The following GPR39 variants were observed in gnomAD, a reference collection of about 807,000 sequenced individuals.
GPR39 encodes G protein-coupled receptor 39, also known as zinc sensing receptor.
A neutral mutation model predicts 18.4 loss-of-function variants in GPR39; 23 were observed. The ratio of observed to expected loss-of-function variants is 1.25; its 90% confidence interval spans 0.90 to 1.77. The LOEUF (loss-of-function observed/expected upper bound fraction) is 1.77, where lower values mean the gene tolerates loss of function less well. GPR39 is among the 40% of genes most tolerant of loss of function. GPR39 has a pLI of 0.00. For synonymous variants in GPR39, 280 were observed against 257.9 expected, an observed-to-expected ratio of 1.09 and a Z score of -0.82; for missense variants, 647 against 602.4, an observed-to-expected ratio of 1.07 and a Z score of -0.78.
At chr2:132,533,872 C>T (rs1052407562) in intron 1 of GPR39, among the ~76,000 whole-genome samples, 32 of 152,194 alleles carry the variant, frequency 2.1e-4, no homozygotes, top group African/African-American at 6.7e-4. Context: ...CATGTTAGAC[C>T]TAAAACCATA....
intron 1 of GPR39, among the ~76,000 whole-genome samples, chr2:132,506,937 T>C (rs1296688184): frequency 6.6e-6 from 1 of 152,160 alleles, no homozygotes; most frequent in Non-Finnish European, 1.5e-5. Flanking sequence ...AGATAACCAC[T>C]TGATAGTTTC....
chr2:132,637,687 G>A (rs956894555), intron 1 of GPR39, among the ~76,000 whole-genome samples: 2 of 152,234 alleles, frequency 1.3e-5, no homozygotes, highest in Non-Finnish European at 2.9e-5. Context: ...GTCCTAGCTT[G>A]GACTTAGACC....
intron 1 of GPR39, among the ~76,000 whole-genome samples, chr2:132,520,186 T>C (rs529661972): frequency 2.0e-5 from 3 of 152,308 alleles, no homozygotes; most frequent in African/African-American, 7.2e-5. Flanking sequence ...TTACTTTCTT[T>C]ATAAGTCATA....
intron 1 of GPR39, among the ~76,000 whole-genome samples, chr2:132,597,775 G>T (rs763445643): frequency 6.6e-6 from 1 of 152,220 alleles, no homozygotes; most frequent in Non-Finnish European, 1.5e-5. Context: ...ATATGAAAAT[G>T]ATGATGAAAA....
intron 1 of GPR39, among the ~76,000 whole-genome samples, chr2:132,491,068 T>G (rs865799555): frequency 6.6e-6 from 1 of 152,010 alleles, no homozygotes; most frequent in Non-Finnish European, 1.5e-5. Flanking sequence ...AATTAATCTC[T>G]TTTTTTTCTC....
At chr2:132,524,351 C>T (rs536630810) in intron 1 of GPR39, among the ~76,000 whole-genome samples, 1 of 152,248 alleles carries the variant, frequency 6.6e-6, no homozygotes, top group African/African-American at 2.4e-5. Context: ...CATTAGATTC[C>T]TCATCCATAA....
intron 1 of GPR39, among the ~76,000 whole-genome samples, chr2:132,608,429 C>A (rs889864953): frequency 1.3e-5 from 2 of 152,278 alleles, no homozygotes; most frequent in Non-Finnish European, 2.9e-5. Flanking sequence ...TGTGTCAGCT[C>A]CTTGCTGTCG....
At chr2:132,516,757 CAG>C (rs1679342128) in intron 1 of GPR39, among the ~76,000 whole-genome samples, 1 of 152,242 alleles carries the variant, frequency 6.6e-6, no homozygotes, top group South Asian at 2.1e-4. Flanking sequence ...GCCAACATGA[CAG>C]AACCTTAACA....
intron 1 of GPR39, among the ~76,000 whole-genome samples, chr2:132,500,585 G>A (rs1316058287): frequency 2.6e-5 from 4 of 152,128 alleles, no homozygotes; most frequent in Admixed American, 2.6e-4. Flanking sequence ...GGGTGATACT[G>A]GCTTTGTAGA....
rs1011684144 is a variant in GPR39 at position 132,646,323 on chromosome 2, A to G, written c.*717A>G. 37 of 1,336,168 alleles carry G rather than the reference A, an allele frequency of 2.8e-5. No homozygotes were observed. In the Admixed American group the frequency reaches 3.0e-4, roughly 11 times the overall value. The allele number at this position is 1,336,168 out of a possible 1,614,324, so 82.8% of individuals were successfully genotyped here. ...AGGAGCTGAGTTAACGTGCACCGGC[A>G]AAAGAATAGCTGTCCCTCTCAGCCC... On this transcript the variant is annotated 3_prime_UTR_variant, in exon 2 of 2. Transcript: ENST00000329321.
chr2:132,545,276 G>A (rs928407991), intron 1 of GPR39, among the ~76,000 whole-genome samples: 3 of 152,234 alleles, frequency 2.0e-5, no homozygotes, highest in African/African-American at 7.2e-5. Context: ...TAAAGGGACA[G>A]ATCTTCACTC....
intron 1 of GPR39, among the ~76,000 whole-genome samples, chr2:132,558,558 A>G (rs768466765): frequency 6.6e-6 from 1 of 152,188 alleles, no homozygotes; most frequent in Non-Finnish European, 1.5e-5. Context: ...AGCTGGGGGC[A>G]CCGGGAAGCA....
intron 1 of GPR39, among the ~76,000 whole-genome samples, chr2:132,499,536 T>A (rs1195363463): frequency 6.6e-6 from 1 of 152,190 alleles, no homozygotes; most frequent in Non-Finnish European, 1.5e-5. Flanking sequence ...TTGCTTAGTC[T>A]TGCTTTGACT....
intron 1 of GPR39, among the ~76,000 whole-genome samples, chr2:132,555,668 A>G (rs1359578044): frequency 2.0e-5 from 3 of 152,182 alleles, no homozygotes; most frequent in African/African-American, 7.2e-5. Context: ...TATTGGTCAT[A>G]TAGACCACCA....
At chr2:132,511,433 A>G (rs2104758631) in intron 1 of GPR39, among the ~76,000 whole-genome samples, 1 of 152,370 alleles carries the variant, frequency 6.6e-6, no homozygotes, top group Middle Eastern at 3.4e-3. Flanking sequence ...AATTTGAATG[A>G]AATATGTTAA....
intron 1 of GPR39, among the ~76,000 whole-genome samples, chr2:132,551,645 A>G (rs1680046382): frequency 6.6e-6 from 1 of 152,246 alleles, no homozygotes; most frequent in African/African-American, 2.4e-5. Flanking sequence ...GAGGATAACA[A>G]AACAATTCCA....
chr2:132,552,766 C>T lies in GPR39; in HGVS notation c.857-92335C>T, dbSNP rs191089403. 2.7e-5 allele frequency among the ~76,000 whole-genome samples: 4 copies of T among 150,524 alleles called. No individual in the cohort carries two copies. In the East Asian group the frequency reaches 5.9e-4, roughly 22 times the overall value. On this transcript the variant is annotated intron_variant, in intron 1 of 1. Transcript: ENST00000329321. ...CCCTGTGCCTAGAGTTCTGTTAAGT[C>T]AAACCACAGTAGCCTACCAATGTGT...
chr2:132,539,238 A>G (rs773957202), intron 1 of GPR39, among the ~76,000 whole-genome samples: 1 of 152,154 alleles, frequency 6.6e-6, no homozygotes, highest in Non-Finnish European at 1.5e-5. Flanking sequence ...ATCCATGAGA[A>G]AAGTATAGTA....
At chr2:132,539,885 A>T (rs771570257) in intron 1 of GPR39, among the ~76,000 whole-genome samples, 1 of 152,198 alleles carries the variant, frequency 6.6e-6, no homozygotes, top group African/African-American at 2.4e-5. Flanking sequence ...TACGGTTCAC[A>T]TAGGAGGTTT....
Sources: allele counts gnomAD v4.1 joint callset (sites outside exome capture counted in the v4.1 genomes callset), GRCh38; gene constraint gnomAD v4.1.1; transcripts MANE v1.5; gene names NCBI Gene and HGNC (gene_info 2026-07-23, HGNC 2026-07-21).